UGGT1: variants seen among roughly 807,000 people sequenced by gnomAD.
The protein encoded by UGGT1 is UDP-glucose:glycoprotein glucosyltransferase 1.
Under a neutral mutation model 203.9 loss-of-function variants are expected in UGGT1, and 107 were observed. The observed-to-expected ratio is 0.52, with a 90% confidence interval of 0.45 to 0.62. The LOEUF (loss-of-function observed/expected upper bound fraction) is 0.62. UGGT1 is among the 20% of genes least tolerant of loss of function. UGGT1 has a pLI of 0.00. For missense variants in UGGT1, 1,673 were observed against 1,867.2 expected, an observed-to-expected ratio of 0.90 and a Z score of 1.92; for synonymous variants, 628 against 653.5, an observed-to-expected ratio of 0.96 and a Z score of 0.59.
Position 128,091,382 on chromosome 2 carries a change from G to T in UGGT1, c.25G>T (p.Gly9Cys), listed in dbSNP as rs769978482. 2 of 1,575,850 alleles carry T rather than the reference G, an allele frequency of 1.3e-6. No homozygotes were observed. Among genetic ancestry groups the T allele is most frequent in the Non-Finnish European group, 8.6e-7 (1 of 1,160,910 alleles). The change falls in exon 1 of 41, where the codon GGT becomes TGT. Residue 9 changes from glycine to cysteine, a missense_variant. This residue lies in a region of UGGT1 where 83 missense variants were observed against 87.2 expected (regional missense o/e 0.95). Coordinates refer to ENST00000259253, the MANE Select transcript of UGGT1 (RefSeq NM_020120.4). ...CATGGGCTGCAAGGGAGACGCGAGC[G>T]GTGCGTGTGCCGCGGGTGCGCTGCC... MGCKGDAS[G>C]ACAAGALPVT... is the part of the protein sequence containing the mutation.
rs905888223 is a variant in UGGT1, at chr2:128,189,713, T to G, written c.4643-4T>G. ...TTCTTTTCTGTGGTTCTCCTTTTCCTTAGGTCCTCAGAAACGTGAAGAATT... is the reference window on the plus strand; with the variant it reads ...TTCTTTTCTGTGGTTCTCCTTTTCCGTAGGTCCTCAGAAACGTGAAGAATT... On this transcript the variant is annotated splice_region_variant and splice_polypyrimidine_tract_variant and intron_variant, in intron 40 of 40. Transcript: ENST00000259253. 1.2e-6 allele frequency: 2 copies of G among 1,611,906 alleles called. No homozygotes were observed. Among genetic ancestry groups the G allele is most frequent in the Admixed American group, 3.3e-5 (2 of 59,882 alleles).
rs13392666 is a variant in UGGT1, at chr2:128,157,483, T to G, written c.2355+137T>G. On this transcript the variant is annotated intron_variant, in intron 22 of 40. Transcript: ENST00000259253. ...ATGCTCGAGGGAACGGAGAATTGTATCTCTAGAGATCTGCCAGCTCTCAAG... is the reference window on the plus strand; with the variant it reads ...ATGCTCGAGGGAACGGAGAATTGTAGCTCTAGAGATCTGCCAGCTCTCAAG... The G allele has an allele frequency of 4.9e-3, 3,018 of 618,352 alleles. 71 individuals are homozygous for G. The African/African-American group carries it at 0.05, about 10-fold the overall frequency. 38.3% of individuals were successfully genotyped at this position (618,352 alleles called of 1,614,324 possible).
intron 10 of UGGT1, among the ~76,000 whole-genome samples, chr2:128,122,396 T>A (rs545924808): frequency 1.3e-5 from 2 of 152,062 alleles, no homozygotes; most frequent in Admixed American, 1.3e-4. Flanking sequence ...TAGCTGGGCG[T>A]GGTGGCAGGG....
chr2:128,144,569 A>G (rs1045472191), intron 17 of UGGT1, among the ~76,000 whole-genome samples: 2 of 152,264 alleles, frequency 1.3e-5, no homozygotes, highest in Admixed American at 6.5e-5. Context: ...ATGGATATCT[A>G]TGAAATAGTC....
chr2:128,187,820 T>C (rs1288159149), intron 40 of UGGT1, among the ~76,000 whole-genome samples: 1 of 151,984 alleles, frequency 6.6e-6, no homozygotes, highest in Admixed American at 6.6e-5. Flanking sequence ...TATGTTTTTT[T>C]TTTTTTCTCG....
At position 128,120,475 on chromosome 2, in the gene UGGT1, G is replaced by A; in HGVS notation, c.973+19G>A. ...TTGCAAGGTAATGAAAACAGGGAGA[G>A]GTCATTGGCCTACTTTTTGGCTAAG... On this transcript the variant is annotated intron_variant, in intron 9 of 40. Transcript: ENST00000259253. The A allele has an allele frequency of 1.3e-6, 2 of 1,594,298 alleles. No homozygotes were observed. Among genetic ancestry groups the A allele is most frequent in the Non-Finnish European group, 1.7e-6 (2 of 1,166,636 alleles).
intron 18 of UGGT1, 134 bp downstream of exon 18, chr2:128,146,101 A>G: frequency 9.2e-7 from 1 of 1,082,270 alleles, no homozygotes; most frequent in African/African-American, 1.6e-5. Context: ...TGAGGGTAGG[A>G]AGTCTGAGAC....
intron 1 of UGGT1, among the ~76,000 whole-genome samples, chr2:128,094,772 G>T (rs1030281563): frequency 8.8e-6 from 1 of 113,492 alleles, no homozygotes. Flanking sequence ...TTTTTGAGAC[G>T]GAGTCTCTCT....
intron 6 of UGGT1, 22 bp downstream of exon 6, chr2:128,113,280 A>G: frequency 6.5e-7 from 1 of 1,544,024 alleles, no homozygotes; most frequent in South Asian, 1.2e-5. Context: ...CTTATTTTAC[A>G]CCTGTTTTGA....
At chr2:128,160,379 A>G (rs1690465448) in intron 23 of UGGT1, 81 bp from the exon 24 acceptor site, 23 of 1,404,984 alleles carry the variant, frequency 1.6e-5, no homozygotes, top group Non-Finnish European at 2.1e-5. Flanking sequence ...AGAAATTTTT[A>G]TGGTTTATTC....
intron 5 of UGGT1, among the ~76,000 whole-genome samples, chr2:128,110,130 G>T (rs1284161764): frequency 6.6e-6 from 1 of 152,178 alleles, no homozygotes; most frequent in Non-Finnish European, 1.5e-5. Context: ...GATATTATTA[G>T]TTTCAGACAA....
chr2:128,135,609 A>G (rs889155490), intron 15 of UGGT1, among the ~76,000 whole-genome samples: 1 of 152,216 alleles, frequency 6.6e-6, no homozygotes, highest in African/African-American at 2.4e-5. Context: ...TTCCATGATT[A>G]CTACTGGGCT....
At chr2:128,170,462 G>A (rs749659430) in intron 27 of UGGT1, 72 bp downstream of exon 27, 4 of 1,394,952 alleles carry the variant, frequency 2.9e-6, no homozygotes, top group Admixed American at 1.8e-5. Flanking sequence ...TTCACTGAGA[G>A]CTTCGTTTTC....
At chr2:128,110,657 C>T (rs891865386) in intron 5 of UGGT1, among the ~76,000 whole-genome samples, 7 of 152,204 alleles carry the variant, frequency 4.6e-5, no homozygotes, top group African/African-American at 1.4e-4. Context: ...TGTCTCCTCT[C>T]TCTGAGAGGC....
At chr2:128,143,695 C>G (rs190271615) in intron 17 of UGGT1, among the ~76,000 whole-genome samples, 32 of 152,244 alleles carry the variant, frequency 2.1e-4, no homozygotes, top group Admixed American at 1.7e-3. Context: ...ATTAGAGGCT[C>G]TTCTGTATAC....
chr2:128,100,391 T>C (rs1229797147), intron 2 of UGGT1, among the ~76,000 whole-genome samples: 1 of 151,322 alleles, frequency 6.6e-6, no homozygotes, highest in Non-Finnish European at 1.5e-5. Context: ...GTAACAGGTG[T>C]TTTTGTGATA....
chr2:128,141,542 T>C (rs1456307626), intron 16 of UGGT1, among the ~76,000 whole-genome samples: 1 of 151,680 alleles, frequency 6.6e-6, no homozygotes, highest in Non-Finnish European at 1.5e-5. Flanking sequence ...CAGGCAGAGC[T>C]TGCAATGAGC....
rs530558813 is a variant in UGGT1 at position 128,113,495 on chromosome 2, A to T, written c.696+237A>T. Among the ~76,000 whole-genome samples, 17 of 152,364 alleles carry T rather than the reference A, an allele frequency of 1.1e-4. No individual in the cohort carries two copies. The East Asian group carries it at 3.3e-3, about 29-fold the overall frequency. On this transcript the variant is annotated intron_variant, in intron 6 of 40. Coordinates refer to ENST00000259253, the MANE Select transcript of UGGT1 (RefSeq NM_020120.4). ...CTCGATAAAGTTTACATTTTATTTCAAAATGAACCATGTAAATAATCTTTT... is the reference window on the plus strand; with the variant it reads ...CTCGATAAAGTTTACATTTTATTTCTAAATGAACCATGTAAATAATCTTTT...
At chr2:128,133,814 C>T (rs1301692337) in intron 14 of UGGT1, among the ~76,000 whole-genome samples, 1 of 152,048 alleles carries the variant, frequency 6.6e-6, no homozygotes, top group African/African-American at 2.4e-5. Flanking sequence ...AATTTATTCC[C>T]TTAAATATGG....
Sources: gnomAD v4.1 joint callset for allele counts (sites outside exome capture counted in the v4.1 genomes callset) on GRCh38, gnomAD v4.1.1 for gene constraint, gnomAD v4.1.1 regional missense constraint, MANE v1.5 for transcripts, NCBI Gene and HGNC (gene_info 2026-07-23, HGNC 2026-07-21) for gene names.